The following SLCO1A2 variants were observed in gnomAD, a reference collection of about 807,000 sequenced individuals.
SLCO1A2 encodes the protein OATP-1.
Under a neutral mutation model 69.0 loss-of-function variants are expected in SLCO1A2, and 67 were observed. That is an observed-to-expected ratio of 0.97 (90% CI 0.80 to 1.19). The LOEUF (loss-of-function observed/expected upper bound fraction) is 1.19. SLCO1A2 is among the 50% of genes most tolerant of loss of function. The pLI, the probability that SLCO1A2 is intolerant of heterozygous loss-of-function variation, is 0.00. For missense variants in SLCO1A2, 787 were observed against 793.7 expected (o/e 0.99, Z 0.10); for synonymous variants, 260 against 265.9 (o/e 0.98, Z 0.22).
chr12:21,362,013 G>A (rs1938939608), intron 2 of SLCO1A2, among the ~76,000 whole-genome samples: 1 of 152,086 alleles, frequency 6.6e-6, no homozygotes, highest in South Asian at 2.1e-4. Context: ...TAGCGGGGAA[G>A]GCCAACATTC....
chr12:21,275,679 C>T (rs11829484), intron 12 of SLCO1A2, among the ~76,000 whole-genome samples: 10,560 of 152,050 alleles, frequency 0.069, 1,162 homozygotes, highest in African/African-American at 0.24. Context: ...AGTGGCTCAC[C>T]CCTGTAATCC....
chr12:21,314,619 T>TC lies in SLCO1A2; in HGVS notation c.264dup (p.Ile89AspfsTer26). ...CCCATAACCACACATCCAATGCCAA[T>TC]CATTATAGGTCTATGCAGTTTGGTT... On this transcript the variant is annotated frameshift_variant, in exon 4 of 15. Transcript: ENST00000683939. LOFTEE classifies it high-confidence loss of function. The TC allele has an allele frequency of 6.2e-7, 1 of 1,613,450 alleles. No homozygotes were observed. The highest frequency in any genetic ancestry group is 8.5e-7 in the Non-Finnish European group (1 of 1,179,360).
chr12:21,341,646 C>A (rs1363369188), intron 2 of SLCO1A2, among the ~76,000 whole-genome samples: 1 of 151,996 alleles, frequency 6.6e-6, no homozygotes, highest in African/African-American at 2.4e-5. Context: ...ATGTTCCTGA[C>A]TGGAGTCACG....
chr12:21,288,548 T>C (rs767731330), intron 12 of SLCO1A2, among the ~76,000 whole-genome samples: 1 of 152,160 alleles, frequency 6.6e-6, no homozygotes, highest in Admixed American at 6.5e-5. Context: ...GAAGTAGAGA[T>C]AGTTAATAGG....
intron 1 of SLCO1A2, among the ~76,000 whole-genome samples, chr12:21,414,872 C>G (rs1192735372): frequency 6.6e-6 from 1 of 152,036 alleles, no homozygotes; most frequent in Non-Finnish European, 1.5e-5. Flanking sequence ...CTCCATAGTG[C>G]ATTGAATCCT....
intron 14 of SLCO1A2, among the ~76,000 whole-genome samples, chr12:21,273,308 A>ATT (rs1943207787): frequency 6.7e-6 from 1 of 149,284 alleles, no homozygotes. Flanking sequence ...GAGAGACACT[A>ATT]TTTATATCTT....
At position 21,345,878 on chromosome 12, in the gene SLCO1A2, G is replaced by A. The variant is rs143286250; in HGVS notation, c.-62-11169C>T. Among the ~76,000 whole-genome samples, 738 of 151,984 alleles carry A rather than the reference G, an allele frequency of 4.9e-3. 4 individuals carry two copies. Among genetic ancestry groups the A allele is most frequent in the African/African-American group, 0.017 (692 of 41,496 alleles). ...TTAAATAATGTTCAGTTTGCCAGAA[G>A]CTGGATCCTAGGCTTATTGCTTTTT... On this transcript the variant is annotated intron_variant, in intron 2 of 15. Coordinates refer to the SLCO1A2 transcript ENST00000307378.
intron 12 of SLCO1A2, among the ~76,000 whole-genome samples, chr12:21,290,576 A>G (rs1202882266): frequency 6.6e-6 from 1 of 152,192 alleles, no homozygotes; most frequent in East Asian, 1.9e-4. Context: ...ATACACTATG[A>G]TTTTGGAAAA....
chr12:21,290,223 G>A (rs1368051080), intron 12 of SLCO1A2, among the ~76,000 whole-genome samples: 3 of 151,944 alleles, frequency 2.0e-5, no homozygotes, highest in African/African-American at 7.3e-5. Context: ...CAAATGACAG[G>A]ATATTACATG....
At chr12:21,298,268 A>G (rs1948050132) in intron 8 of SLCO1A2, among the ~76,000 whole-genome samples, 1 of 152,192 alleles carries the variant, frequency 6.6e-6, no homozygotes, top group Non-Finnish European at 1.5e-5. Context: ...GATTCCTGTT[A>G]GAAAAAGCAC....
chr12:21,269,550 A>G lies in SLCO1A2; in HGVS notation c.2011T>C (p.Ter671GlnextTer24). The G allele has an allele frequency of 6.2e-7, 1 of 1,604,008 alleles. No individual in the cohort carries two copies. Among genetic ancestry groups the G allele is most frequent in the Non-Finnish European group, 8.5e-7 (1 of 1,172,376 alleles). The change falls in exon 15 of 15, where the codon TAA (stop) becomes CAA (glutamine). Residue 671 changes from the stop codon to glutamine, a stop_lost. Coordinates refer to ENST00000683939, the MANE Select transcript of SLCO1A2 (RefSeq NM_001386879.1). ...LKDDELKTKL* is the reference protein window; with the variant it reads ...LKDDELKTKLQ The stretch of plus-strand genomic sequence containing the variant: ...AAAAAAGTAATATAATAGGACAATT[A>G]CAATTTAGTTTTCAATTCATCATCT...
At chr12:21,276,473 C>T (rs1943866736) in intron 12 of SLCO1A2, among the ~76,000 whole-genome samples, 1 of 146,436 alleles carries the variant, frequency 6.8e-6, no homozygotes, top group Non-Finnish European at 1.5e-5. Context: ...AGGGGTAGAG[C>T]AAGGAGCTAA....
chr12:21,294,906 A>G (rs1799273867), intron 10 of SLCO1A2: 1 of 152,164 alleles, frequency 6.6e-6, no homozygotes, highest in South Asian at 2.1e-4. Flanking sequence ...TACATTTGAA[A>G]TTATTTCAAT....
At chr12:21,351,115 C>G (rs563571979) in intron 2 of SLCO1A2, among the ~76,000 whole-genome samples, 1 of 152,152 alleles carries the variant, frequency 6.6e-6, no homozygotes, top group East Asian at 1.9e-4. Flanking sequence ...AACATGGTGC[C>G]TAAATGTGTA....
intron 4 of SLCO1A2, 35 bp downstream of exon 4, chr12:21,314,514 T>G (rs769779827): frequency 2.5e-6 from 4 of 1,611,364 alleles, no homozygotes; most frequent in East Asian, 2.2e-5. Flanking sequence ...CAAGTGAAAT[T>G]TGACCACCCA....
chr12:21,334,534 G>GTA, intron 2 of SLCO1A2, 54 bp downstream of exon 2: 2 of 1,322,208 alleles, frequency 1.5e-6, no homozygotes, highest in East Asian at 4.7e-5. Context: ...CAGGACTGTC[G>GTA]TATTTTAAAA....
At chr12:21,396,264 C>T (rs1207731177), upstream of SLCO1A2, among the ~76,000 whole-genome samples, 30 of 151,080 alleles carry the variant, frequency 2.0e-4, no homozygotes, top group African/African-American at 7.3e-4. Context: ...CTGGAAGAAA[C>T]GGTATCAGCG....
At chr12:21,325,236 G>T (rs1412099864) in intron 2 of SLCO1A2, among the ~76,000 whole-genome samples, 2 of 152,068 alleles carry the variant, frequency 1.3e-5, no homozygotes, top group African/African-American at 4.8e-5. Context: ...ACATTTACAT[G>T]ACTTCAGTTT....
At chr12:21,357,691 G>A (rs543584383) in intron 2 of SLCO1A2, among the ~76,000 whole-genome samples, 9 of 152,174 alleles carry the variant, frequency 5.9e-5, no homozygotes, top group East Asian at 1.9e-4. Context: ...CTAACTCAGC[G>A]ATTATTTTTC....
Sources: gnomAD v4.1 joint callset for allele counts (sites outside exome capture counted in the v4.1 genomes callset) on GRCh38, gnomAD v4.1.1 for gene constraint, MANE v1.5 for transcripts, NCBI Gene and HGNC (gene_info 2026-07-23, HGNC 2026-07-21) for gene names.